Variants in TLN1 observed in about 807,000 individuals in gnomAD.
The protein encoded by TLN1 is talin-1.
Under a neutral mutation model 292.3 loss-of-function variants are expected in TLN1, and 56 were observed. The observed-to-expected ratio is 0.19, with a 90% CI of 0.15 to 0.24. The LOEUF (loss-of-function observed/expected upper bound fraction) is 0.24, where lower values mean the gene tolerates loss of function less well. Among genes scored for constraint, TLN1 ranks in the 10% least tolerant of loss-of-function variants. The probability of loss-of-function intolerance (pLI) is 1.00; values close to 1 mark genes in which losing one functional copy is unlikely to be tolerated. For synonymous variants in TLN1, 1,119 were observed against 1,253.7 expected (o/e 0.89, Z 2.27); for missense variants, 2,433 against 3,248.2 (o/e 0.75, Z 6.10).
chr9:35,705,269 G>A (rs1004989478), intron 43 of TLN1, among the ~76,000 whole-genome samples: 3 of 152,236 alleles, frequency 2.0e-5, no homozygotes, highest in Non-Finnish European at 1.5e-5. Flanking sequence ...ACATGGACTG[G>A]CAGCACAACA....
rs781297713 is a variant in TLN1, at chr9:35,719,766, T to G, written c.1552A>C (p.Thr518Pro). 6.2e-7 allele frequency: 1 copy of G among 1,607,848 alleles called. No homozygotes were observed. The highest frequency in any genetic ancestry group is 1.3e-5 in the African/African-American group (1 of 74,704). Reference sequence around the variant, plus strand: ...GCATCCTGGCCAAGAGGCGGCAGAGTGTCAAAGTCATCCAGGGTGGCCTGG... The same window carrying G: ...GCATCCTGGCCAAGAGGCGGCAGAGGGTCAAAGTCATCCAGGGTGGCCTGG... Reference protein sequence around the residue: ...AAQATLDDFDTLPPLGQDAAS... With the variant: ...AAQATLDDFDPLPPLGQDAAS... Residue 518 changes from threonine to proline, a missense_variant, in exon 14 of 57, where the codon ACT (threonine) becomes CCT (proline). This residue lies in a region of TLN1 where 617 missense variants were observed against 770.6 expected (regional missense o/e 0.80). Transcript: ENST00000314888. This position sits in a 1 kb window ranked among gnomAD's most constrained non-coding sequence, Gnocchi z 4.6.
Position 35,718,801 on chromosome 9 carries a change from A to G in TLN1, c.1995+11T>C, listed in dbSNP as rs1456697664. The G allele has an allele frequency of 2.5e-6, 4 of 1,611,642 alleles. No homozygotes were observed. In the African/African-American group the frequency reaches 5.3e-5, roughly 22 times the overall value. On this transcript the variant is annotated intron_variant, in intron 17 of 56. Coordinates refer to ENST00000314888, the MANE Select transcript of TLN1 (RefSeq NM_006289.4). ...ATTCTGGGGTTCTGGGGGGTTGGGT[A>G]AGTCACCAACCTGGAAGTGGGGGTC...
intron 1 of TLN1, among the ~76,000 whole-genome samples, chr9:35,731,007 C>T (rs3763630): frequency 0.15 from 22,122 of 152,126 alleles, 1,992 homozygotes; most frequent in East Asian, 0.31. Flanking sequence ...TCCAGAATCT[C>T]TGTCCCCTAA....
intron 7 of TLN1, 76 bp from the exon 8 acceptor site, chr9:35,722,997 G>C (rs925746154): frequency 1.5e-6 from 2 of 1,323,068 alleles, no homozygotes; most frequent in Non-Finnish European, 2.2e-6. Context: ...GTGGGCCTGG[G>C]GGTATGAGGA....
rs1333211327 is a variant in TLN1 at position 35,714,842 on chromosome 9, T to G, written c.2789A>C (p.Gln930Pro). Reference sequence around the variant, plus strand: ...TGCGTGCTGAGCTGCAGCGATGGTCTGTGTGGCTGAGGCTGCAGCCTGCTT... The same window carrying G: ...TGCGTGCTGAGCTGCAGCGATGGTCGGTGTGGCTGAGGCTGCAGCCTGCTT... Reference protein sequence around the residue: ...AAKQAAASATQTIAAAQHAAS... With the variant: ...AAKQAAASATPTIAAAQHAAS... Residue 930 changes from glutamine (Q) to proline (P), a missense_variant, in exon 22 of 57, where the codon CAG becomes CCG. By Grantham distance (76) the Gln-to-Pro change is moderately conservative (BLOSUM62 -1). Coordinates refer to ENST00000314888, the MANE Select transcript of TLN1 (RefSeq NM_006289.4). This position sits in a 1 kb window ranked among gnomAD's most constrained non-coding sequence, Gnocchi z 4.6. The G allele has an allele frequency of 6.4e-7, 1 of 1,570,552 alleles. No homozygotes were observed. The highest frequency in any genetic ancestry group is 8.6e-7 in the Non-Finnish European group (1 of 1,158,392).
In TLN1 at chr9:35,715,142, G is replaced by A. The variant is rs770307539; in HGVS notation, c.2671C>T (p.Arg891Trp). The stretch of plus-strand genomic sequence containing the variant: ...ATGCGCAGCCCCTCAGCTGCCTCCC[G>A]CAGCCGCTGCTGCTGCTCCTCACTG... ...PDSEEQQQRL[R>W]EAAEGLRMAT... The change falls in exon 21 of 57, where the codon CGG becomes TGG. Residue 891 changes from arginine (R) to tryptophan (W), a missense_variant. Physicochemically the swap from Arg to Trp is moderately radical, Grantham distance 101. Around this residue, in one of 7 missense-constraint regions of TLN1, gnomAD observed 617 missense variants for 770.6 expected, o/e 0.80. Transcript: ENST00000314888. 9 of 1,612,732 alleles carry A rather than the reference G, an allele frequency of 5.6e-6. No homozygotes were observed. Among genetic ancestry groups the A allele is most frequent in the East Asian group, 2.2e-5 (1 of 44,878 alleles).
rs1481086904 is a variant in TLN1, at chr9:35,708,221, T to C, written c.4470+120A>G. Reference sequence around the variant, plus strand: ...AAGACAGTTACCCAAAAAGAAGCTGTGTGTGCAAGGTCAGAGATGGGTCCC... The same window carrying C: ...AAGACAGTTACCCAAAAAGAAGCTGCGTGTGCAAGGTCAGAGATGGGTCCC... On this transcript the variant is annotated intron_variant, in intron 34 of 56. Coordinates refer to ENST00000314888, the MANE Select transcript of TLN1 (RefSeq NM_006289.4). 23 of 1,274,482 alleles carry C rather than the reference T, an allele frequency of 1.8e-5. No individual in the cohort carries two copies. In the Admixed American group the frequency reaches 4.9e-4, roughly 27 times the overall value. 78.9% of individuals were successfully genotyped at this position (1,274,482 alleles called of 1,614,324 possible).
chr9:35,722,183 T>C lies in TLN1; in HGVS notation c.884A>G (p.Lys295Arg). The C allele has an allele frequency of 5.0e-6, 8 of 1,614,226 alleles. No homozygotes were observed. The highest frequency in any genetic ancestry group is 6.8e-6 in the Non-Finnish European group (8 of 1,180,030). ...NCGQMSEIEA[K>R]VRYVKLARSL... Reference sequence around the variant, plus strand: ...ACGGGCTAGCTTCACGTAGCGGACCTTGGCCTCAATCTCACTCATCTGCCC... The same window carrying C: ...ACGGGCTAGCTTCACGTAGCGGACCCTGGCCTCAATCTCACTCATCTGCCC... The change falls in exon 9 of 57, where the codon AAG (lysine) becomes AGG (arginine). Residue 295 changes from lysine (K) to arginine (R), a missense_variant. Coordinates refer to ENST00000314888, the MANE Select transcript of TLN1 (RefSeq NM_006289.4).
At chr9:35,728,944 T>C (rs1158814965) in intron 1 of TLN1, among the ~76,000 whole-genome samples, 2 of 152,048 alleles carry the variant, frequency 1.3e-5, no homozygotes, top group Non-Finnish European at 2.9e-5. Flanking sequence ...AGCCAAAAGG[T>C]GTGTGCTCAG....
Position 35,714,452 on chromosome 9 carries a change from T to C in TLN1, c.2986-79A>G. ...GTACAAGGACTGATGATGGTCAGGATGTAGGGAACACTGGGGCTTGGTATT... is the reference window on the plus strand; with the variant it reads ...GTACAAGGACTGATGATGGTCAGGACGTAGGGAACACTGGGGCTTGGTATT... On this transcript the variant is annotated intron_variant, in intron 23 of 56. Coordinates refer to ENST00000314888, the MANE Select transcript of TLN1 (RefSeq NM_006289.4). This position sits in a 1 kb window ranked among gnomAD's most constrained non-coding sequence, Gnocchi z 4.6. 1.3e-6 allele frequency: 2 copies of C among 1,576,434 alleles called. No homozygotes were observed. The highest frequency in any genetic ancestry group is 2.3e-5 in the South Asian group (2 of 87,380).
At position 35,698,247 on chromosome 9, in the gene TLN1, T is replaced by C. The variant is rs757404171; in HGVS notation, c.7372-75A>G. 1.1e-5 allele frequency: 17 copies of C among 1,608,730 alleles called. No individual in the cohort carries two copies. Among genetic ancestry groups the C allele is most frequent in the Non-Finnish European group, 1.4e-5 (16 of 1,176,028 alleles). On this transcript the variant is annotated intron_variant, in intron 55 of 56. Coordinates refer to ENST00000314888, the MANE Select transcript of TLN1 (RefSeq NM_006289.4). The surrounding 1 kb of genome is among the most constrained non-coding windows in gnomAD (Gnocchi z 5.3). ...TTGAGACAGTACCTCAATTCTCTCA[T>C]AGAAACATACATCTCGGGAGTGACA...
At chr9:35,728,375 C>A (rs897008111) in intron 1 of TLN1, among the ~76,000 whole-genome samples, 1 of 152,158 alleles carries the variant, frequency 6.6e-6, no homozygotes, top group Non-Finnish European at 1.5e-5. Context: ...GCCTCTGAGT[C>A]CGCAACCGCT....
chr9:35,727,197 C>T (rs545340953), intron 1 of TLN1, among the ~76,000 whole-genome samples: 2 of 152,220 alleles, frequency 1.3e-5, no homozygotes, highest in East Asian at 3.9e-4. Flanking sequence ...TGGGCAAATA[C>T]AAGCTGCCCA....
intron 33 of TLN1, among the ~76,000 whole-genome samples, chr9:35,709,273 G>A (rs1002067620): frequency 3.3e-5 from 5 of 152,100 alleles, no homozygotes; most frequent in South Asian, 2.1e-4. Flanking sequence ...CCAGCCTGGC[G>A]ACAGAGCGAG....
chr9:35,730,239 T>C (rs1381047018), intron 1 of TLN1, among the ~76,000 whole-genome samples: 1 of 150,628 alleles, frequency 6.6e-6, no homozygotes, highest in Admixed American at 6.6e-5. Context: ...AATGTCTAAG[T>C]AAAGCTGGAG....
chr9:35,703,852 G>C lies in TLN1; in HGVS notation c.6280C>G (p.Leu2094Val). Residue 2094 changes from leucine (L) to valine (V), a missense_variant, in exon 47 of 57, where the codon CTC becomes GTC. Transcript: ENST00000314888. Reference protein sequence around the residue: ...VKDVAKALGDLISATKAAAGK... With the variant: ...VKDVAKALGDVISATKAAAGK... ...GCTGCAGCCTTCGTTGCACTGATGA[G>C]GTCTCCCAGGGCTTTGGCTACATCT... The C allele has an allele frequency of 1.2e-6, 2 of 1,614,208 alleles. No individual in the cohort carries two copies. The highest frequency in any genetic ancestry group is 1.7e-6 in the Non-Finnish European group (2 of 1,180,040).
In TLN1 at chr9:35,725,647, C is replaced by T. The variant is rs1415221627; in HGVS notation, c.48G>A (p.Thr16=). The part of the protein sequence containing the change: ...LKISIGNVVK[T]MQFEPSTMVY... ...CCATGGTAGACGGCTCAAACTGCAT[C>T]GTCTTCACCACATTCCCAATGCTGA... The change falls in exon 2 of 57, where the codon ACG becomes ACA. Residue 16 remains threonine, a synonymous_variant. Transcript: ENST00000314888. 5 of 1,613,976 alleles carry T rather than the reference C, an allele frequency of 3.1e-6. No homozygotes were observed. The highest frequency in any genetic ancestry group is 3.4e-6 in the Non-Finnish European group (4 of 1,179,996).
rs1825437249 is a variant in TLN1, at chr9:35,700,138, C to T, written c.6660+53G>A. ...CCCGCAGATCCCTACAGTTTCTCTC[C>T]CACTATGTTCTGGCCCAAAGCTGCC... On this transcript the variant is annotated intron_variant, in intron 49 of 56. Transcript: ENST00000314888. 2.5e-6 allele frequency: 4 copies of T among 1,591,954 alleles called. No homozygotes were observed. The East Asian group carries it at 9.0e-5, about 36-fold the overall frequency.
chr9:35,710,948 C>A (rs765649386), intron 31 of TLN1, 41 bp downstream of exon 31: 1 of 1,613,808 alleles, frequency 6.2e-7, no homozygotes, highest in Non-Finnish European at 8.5e-7. Context: ...AACCAGAACA[C>A]TTCCCTCAAC....
Sources: allele counts gnomAD v4.1 joint callset (sites outside exome capture counted in the v4.1 genomes callset), GRCh38; gene constraint gnomAD v4.1.1; regional missense constraint gnomAD v4.1.1; non-coding constraint Gnocchi (gnomAD v3.1); transcripts MANE v1.5; gene names NCBI Gene and HGNC (gene_info 2026-07-23, HGNC 2026-07-21).